PALS1: variants seen among roughly 807,000 people sequenced by gnomAD.
PALS1 encodes the protein protein PALS1.
In PALS1, 31 loss-of-function variants were observed where a neutral mutation model predicts 78.9. That is an observed-to-expected ratio of 0.39 (90% confidence interval 0.30 to 0.53). PALS1 has a LOEUF of 0.53. PALS1 is among the 20% of genes least tolerant of loss of function. PALS1 has a pLI of 0.67. For synonymous variants in PALS1, 276 were observed against 270.9 expected (o/e 1.02, Z -0.18); for missense variants, 704 against 826.5 (o/e 0.85, Z 1.82).
chr14:67,252,406 T>A (rs1428479603), intron 1 of PALS1, among the ~76,000 whole-genome samples: 1 of 152,118 alleles, frequency 6.6e-6, no homozygotes, highest in Non-Finnish European at 1.5e-5. Flanking sequence ...CCTCCAGCCT[T>A]GGCCTCCCAA....
chr14:67,272,527 G>C (rs1238456984), intron 2 of PALS1, among the ~76,000 whole-genome samples: 2 of 152,172 alleles, frequency 1.3e-5, no homozygotes, highest in Non-Finnish European at 2.9e-5. Flanking sequence ...TATAGTTGTA[G>C]TTGTTACTAC....
intron 1 of PALS1, among the ~76,000 whole-genome samples, chr14:67,242,671 T>C (rs563679188): frequency 2.0e-5 from 3 of 151,586 alleles, no homozygotes; most frequent in East Asian, 3.9e-4. Flanking sequence ...CTATTGTGGA[T>C]AGGTTTTATA....
rs369198685 is a variant in PALS1, at chr14:67,335,380, C to G, written c.*2424C>G. On this transcript the variant is annotated 3_prime_UTR_variant, in exon 15 of 15. Coordinates refer to ENST00000261681, the MANE Select transcript of PALS1 (RefSeq NM_022474.4). ...CCCTCTGTGGTTCTGACTGGAGACC[C>G]CAGTGTGGGGGAGGTCTTACCATTT... 17 of 152,288 alleles carry G rather than the reference C, an allele frequency of 1.1e-4. No homozygotes were observed. The East Asian group carries it at 3.1e-3, about 28-fold the overall frequency. 9.4% of individuals were successfully genotyped at this position (152,288 alleles called of 1,614,324 possible). A position where few individuals can be genotyped will look rare whatever the true frequency, so the allele number is the denominator to read the frequency against.
At chr14:67,328,662 TAAGG>T in intron 14 of PALS1, among the ~76,000 whole-genome samples, 1 of 152,336 alleles carries the variant, frequency 6.6e-6, no homozygotes, top group South Asian at 2.1e-4. Flanking sequence ...GTATAAGGTG[TAAGG>T]AAGGGATCCA....
In PALS1 at chr14:67,301,401, T is replaced by G. The variant is rs2084931034; in HGVS notation, c.589T>G (p.Leu197Val). Reference protein sequence around the residue: ...QDLAQEVQTVLKPVHHKEGQE... With the variant: ...QDLAQEVQTVVKPVHHKEGQE... The stretch of plus-strand genomic sequence containing the variant: ...TTTTGTTTCTTAGGTACAAACTGTT[T>G]TGAAGCCAGTTCATCATAAGGAAGG... The change falls in exon 5 of 15, where the codon TTG (leucine) becomes GTG (valine). Residue 197 changes from leucine (L) to valine (V), a missense_variant. Physicochemically the swap from Leu to Val is conservative, Grantham distance 32. Coordinates refer to ENST00000261681, the MANE Select transcript of PALS1 (RefSeq NM_022474.4). 1.2e-6 allele frequency: 2 copies of G among 1,609,502 alleles called. No individual in the cohort carries two copies. Among genetic ancestry groups the G allele is most frequent in the Middle Eastern group, 1.7e-4 (1 of 6,050 alleles).
chr14:67,296,910 C>T (rs1171669628), intron 4 of PALS1, among the ~76,000 whole-genome samples: 4 of 152,138 alleles, frequency 2.6e-5, no homozygotes, highest in Non-Finnish European at 5.9e-5. Flanking sequence ...CCATCTCAGC[C>T]TCCCAGAGTA....
intron 9 of PALS1, among the ~76,000 whole-genome samples, chr14:67,315,818 G>A (rs1475543299): frequency 5.3e-5 from 8 of 152,146 alleles, no homozygotes; most frequent in East Asian, 1.9e-4. Context: ...CCAGCTGCTC[G>A]GGAGGCTGAG....
chr14:67,287,442 G>A (rs540749452), intron 3 of PALS1, among the ~76,000 whole-genome samples: 7 of 152,138 alleles, frequency 4.6e-5, no homozygotes, highest in African/African-American at 1.7e-4. Flanking sequence ...AAGCACTCTA[G>A]TAGTAAAATG....
intron 3 of PALS1, among the ~76,000 whole-genome samples, chr14:67,291,699 C>T (rs1270627026): frequency 6.6e-6 from 1 of 152,208 alleles, no homozygotes; most frequent in African/African-American, 2.4e-5. Flanking sequence ...TTCAGTACAA[C>T]TTAGGAGACT....
intron 8 of PALS1, among the ~76,000 whole-genome samples, chr14:67,309,965 C>T (rs2085062597): frequency 6.7e-6 from 1 of 149,622 alleles, no homozygotes; most frequent in South Asian, 2.1e-4. Context: ...CAAGTGATGC[C>T]AAAAATTCCA....
intron 14 of PALS1, among the ~76,000 whole-genome samples, chr14:67,332,130 G>A (rs1346549419): frequency 2.6e-5 from 4 of 152,134 alleles, no homozygotes; most frequent in East Asian, 3.9e-4. Context: ...TCATTGGCAG[G>A]GGTGATTTGA....
intron 1 of PALS1, among the ~76,000 whole-genome samples, chr14:67,264,391 C>T (rs1286265936): frequency 2.6e-5 from 4 of 152,060 alleles, no homozygotes; most frequent in Middle Eastern, 3.2e-3. Flanking sequence ...TCTCATTCGT[C>T]TGTTTTTGCC....
intron 14 of PALS1, among the ~76,000 whole-genome samples, chr14:67,329,877 A>AATAAATAG (rs1274908458): frequency 3.5e-5 from 3 of 86,874 alleles, no homozygotes; most frequent in Non-Finnish European, 5.3e-5. Flanking sequence ...TAAATAAATA[A>AATAAATAG]ATAGATATAG....
Position 67,332,953 on chromosome 14 carries a change from G to A in PALS1, c.2025G>A (p.Arg675=). Residue 675 remains arginine (R), a synonymous_variant, in exon 15 of 15, where the codon AGG becomes AGA. Transcript: ENST00000261681. ...EPQWVPSTWL[R] ...AGTGGGTACCATCCACTTGGCTGAG[G>A]TGAAAGAAACATCCATTCTGTGGCA... 1.7e-5 allele frequency: 27 copies of A among 1,602,648 alleles called. No homozygotes were observed. Among genetic ancestry groups the A allele is most frequent in the Non-Finnish European group, 2.3e-5 (27 of 1,171,030 alleles).
chr14:67,294,033 C>G (rs749189931), intron 4 of PALS1, among the ~76,000 whole-genome samples: 31 of 152,024 alleles, frequency 2.0e-4, no homozygotes, highest in Non-Finnish European at 3.5e-4. Flanking sequence ...ACTAAAGTGG[C>G]TTAAAGAGTA....
intron 4 of PALS1, among the ~76,000 whole-genome samples, chr14:67,300,919 T>C (rs914207545): frequency 1.3e-5 from 2 of 152,094 alleles, no homozygotes; most frequent in African/African-American, 2.4e-5. Flanking sequence ...CTCAAACTCC[T>C]GGGCTTAAGC....
In PALS1 at chr14:67,243,353, A is replaced by G. The variant is rs550953066; in HGVS notation, c.-237+1820A>G. ...CAGGTGCTCGCCACCACACCTGGCT[A>G]ATTTTTGTATTTTTAGTAGAGACGG... On this transcript the variant is annotated intron_variant, in intron 1 of 14. Transcript: ENST00000261681. Among the ~76,000 whole-genome samples, 11 of 151,576 alleles carry G rather than the reference A, an allele frequency of 7.3e-5. No homozygotes were observed. In the South Asian group the frequency reaches 2.1e-3, roughly 29 times the overall value.
intron 8 of PALS1, among the ~76,000 whole-genome samples, chr14:67,307,248 A>G (rs568332717): frequency 7.0e-6 from 1 of 143,116 alleles, no homozygotes; most frequent in East Asian, 1.9e-4. Context: ...CGGCCTTTTT[A>G]AAAAAAGGAA....
At chr14:67,307,828 A>G (rs936637336) in intron 8 of PALS1, among the ~76,000 whole-genome samples, 2 of 152,182 alleles carry the variant, frequency 1.3e-5, no homozygotes, top group African/African-American at 4.8e-5. Flanking sequence ...TGTGGAATCA[A>G]CCTAAATGCC....
Sources: allele counts gnomAD v4.1 joint callset (sites outside exome capture counted in the v4.1 genomes callset), GRCh38; gene constraint gnomAD v4.1.1; transcripts MANE v1.5; gene names NCBI Gene and HGNC (gene_info 2026-07-23, HGNC 2026-07-21).